Variants in DNAJC1 observed in about 807,000 individuals in gnomAD.
DNAJC1 encodes the protein dnaJ homolog subfamily C member 1.
DNAJC1 carries 58 observed loss-of-function variants against 76.6 expected under a neutral mutation model. That is an observed-to-expected ratio of 0.76 (90% CI 0.61 to 0.94). The LOEUF (loss-of-function observed/expected upper bound fraction) is 0.94, where lower values mean the gene tolerates loss of function less well. Ranked by LOEUF, DNAJC1 falls within the 40% of genes least tolerant of loss-of-function variation. The pLI is 0.00. For missense variants in DNAJC1, 689 were observed against 677.3 expected, an observed-to-expected ratio of 1.02 and a Z score of -0.19; for synonymous variants, 258 against 267.9, an observed-to-expected ratio of 0.96 and a Z score of 0.36.
At chr10:21,836,160 G>A (rs976054204) in intron 8 of DNAJC1, among the ~76,000 whole-genome samples, 6 of 152,188 alleles carry the variant, frequency 3.9e-5, no homozygotes, top group Non-Finnish European at 8.8e-5. Context: ...GAAGACAGCG[G>A]GGGCCAATAT....
At chr10:21,957,632 G>T (rs765040490) in intron 1 of DNAJC1, among the ~76,000 whole-genome samples, 4 of 151,888 alleles carry the variant, frequency 2.6e-5, no homozygotes, top group Non-Finnish European at 5.9e-5. Flanking sequence ...CTATCACCAC[G>T]GCCATTATTT....
At chr10:21,786,445 TATATATATATATATATATAGAGAGAG>T (rs1241485774) in intron 9 of DNAJC1, among the ~76,000 whole-genome samples, 1 of 110,528 alleles carries the variant, frequency 9.0e-6, no homozygotes, top group African/African-American at 3.5e-5. Flanking sequence ...TATATATATA[TATATATATATATATATATAGAGAGAG>T]AGAGAGAGAG....
chr10:21,975,003 TAC>T (rs1315055916), intron 1 of DNAJC1, among the ~76,000 whole-genome samples: 6 of 152,074 alleles, frequency 3.9e-5, no homozygotes, highest in Non-Finnish European at 8.8e-5. Context: ...TGAATATATA[TAC>T]ACAGATATAA....
At chr10:21,885,610 T>C (rs1416555230) in intron 7 of DNAJC1, among the ~76,000 whole-genome samples, 1 of 152,044 alleles carries the variant, frequency 6.6e-6, no homozygotes, top group African/African-American at 2.4e-5. Context: ...CCTCAGCAAA[T>C]GCAAAAGAAC....
intron 9 of DNAJC1, among the ~76,000 whole-genome samples, chr10:21,782,803 C>A (rs1350487653): frequency 1.3e-5 from 2 of 152,168 alleles, no homozygotes; most frequent in Non-Finnish European, 2.9e-5. Flanking sequence ...ACAAAAACCA[C>A]ATGATTATCT....
chr10:21,757,877 G>A (rs1410112103), intron 11 of DNAJC1, among the ~76,000 whole-genome samples: 1 of 152,148 alleles, frequency 6.6e-6, no homozygotes, highest in Admixed American at 6.5e-5. Flanking sequence ...AAGGTTTCCA[G>A]CCCCCCAGGT....
chr10:21,884,491 C>T (rs1836335832), intron 7 of DNAJC1, among the ~76,000 whole-genome samples: 1 of 152,114 alleles, frequency 6.6e-6, no homozygotes. Context: ...TTCTGGAAAG[C>T]AGTCTAAACA....
At chr10:21,958,884 A>C (rs964357597) in intron 1 of DNAJC1, among the ~76,000 whole-genome samples, 1 of 151,990 alleles carries the variant, frequency 6.6e-6, no homozygotes, top group African/African-American at 2.4e-5. Flanking sequence ...TGCTTTGTTC[A>C]TTTGGTAAGA....
intron 7 of DNAJC1, among the ~76,000 whole-genome samples, chr10:21,899,096 T>C (rs897377048): frequency 1.3e-5 from 2 of 152,082 alleles, no homozygotes; most frequent in Non-Finnish European, 2.9e-5. Flanking sequence ...CAACCACACC[T>C]GGGAAACCAC....
intron 1 of DNAJC1, among the ~76,000 whole-genome samples, chr10:21,960,893 C>T (rs1388962587): frequency 2.0e-5 from 3 of 152,064 alleles, no homozygotes; most frequent in Admixed American, 6.6e-5. Context: ...CATTCCAGAA[C>T]TTAAAGTAAA....
At chr10:21,811,720 T>C (rs926028044) in intron 8 of DNAJC1, among the ~76,000 whole-genome samples, 6 of 152,312 alleles carry the variant, frequency 3.9e-5, no homozygotes, top group Admixed American at 6.5e-5. Context: ...GGGTTGCTGC[T>C]AGCTTTCATT....
intron 1 of DNAJC1, among the ~76,000 whole-genome samples, chr10:21,958,806 A>G (rs1438852052): frequency 3.3e-5 from 5 of 151,588 alleles, no homozygotes; most frequent in African/African-American, 4.8e-5. Context: ...GATTTGGCAG[A>G]AAAAAAAATC....
At chr10:21,818,679 G>C (rs1416895309) in intron 8 of DNAJC1, among the ~76,000 whole-genome samples, 1 of 152,104 alleles carries the variant, frequency 6.6e-6, no homozygotes, top group Non-Finnish European at 1.5e-5. Context: ...CCGACGCTTA[G>C]GAAAAATAGA....
chr10:21,949,331 T>C (rs1480496633), intron 1 of DNAJC1, among the ~76,000 whole-genome samples: 1 of 151,912 alleles, frequency 6.6e-6, no homozygotes, highest in East Asian at 1.9e-4. Context: ...ACTAGAGTTA[T>C]GTCCTATTCT....
At chr10:21,996,624 A>G (rs1838419651) in intron 1 of DNAJC1, among the ~76,000 whole-genome samples, 1 of 152,234 alleles carries the variant, frequency 6.6e-6, no homozygotes, top group South Asian at 2.1e-4. Flanking sequence ...TGAATAACAA[A>G]AGATACAATA....
intron 3 of DNAJC1, among the ~76,000 whole-genome samples, chr10:21,923,438 C>T (rs1837070589): frequency 6.6e-6 from 1 of 151,948 alleles, no homozygotes. Flanking sequence ...AAATTTAAAA[C>T]ATCACTGTAT....
intron 8 of DNAJC1, among the ~76,000 whole-genome samples, chr10:21,815,808 T>G (rs1835065954): frequency 6.6e-6 from 1 of 151,644 alleles, no homozygotes; most frequent in Non-Finnish European, 1.5e-5. Flanking sequence ...GGCAGTGGTG[T>G]GAACTTGGCG....
At chr10:21,892,209 A>G (rs530674362) in intron 7 of DNAJC1, among the ~76,000 whole-genome samples, 1 of 152,214 alleles carries the variant, frequency 6.6e-6, no homozygotes, top group African/African-American at 2.4e-5. Context: ...AAAAATGTTG[A>G]GCCACAGGGA....
chr10:21,938,837 A>C (rs574085135), intron 1 of DNAJC1, among the ~76,000 whole-genome samples: 1 of 152,140 alleles, frequency 6.6e-6, no homozygotes, highest in Non-Finnish European at 1.5e-5. Flanking sequence ...AAACCAAAAG[A>C]TCTTATCCAG....
Sources: allele counts gnomAD v4.1 joint callset (sites outside exome capture counted in the v4.1 genomes callset), GRCh38; gene constraint gnomAD v4.1.1; transcripts MANE v1.5; gene names NCBI Gene and HGNC (gene_info 2026-07-23, HGNC 2026-07-21).